FMN2: variants seen among roughly 807,000 people sequenced by gnomAD.
FMN2 encodes formin 2.
In FMN2, 51 loss-of-function variants were observed where a neutral mutation model predicts 142.3. That is an observed-to-expected ratio of 0.36 (90% CI 0.29 to 0.45). The LOEUF (loss-of-function observed/expected upper bound fraction) is 0.45, where lower values mean the gene tolerates loss of function less well. FMN2 is among the 20% of genes least tolerant of loss of function. FMN2 has a pLI of 1.00. For synonymous variants in FMN2, 882 were observed against 869.8 expected (o/e 1.01, Z -0.25); for missense variants, 1,936 against 2,122.8 (o/e 0.91, Z 1.73).
intron 2 of FMN2, 29 bp from the exon 3 acceptor site, chr1:240,177,892 A>G (rs1316582998): frequency 2.0e-6 from 3 of 1,525,136 alleles, no homozygotes; most frequent in Non-Finnish European, 2.6e-6. Flanking sequence ...AATTAATAGC[A>G]TTTCAACATT....
intron 16 of FMN2, among the ~76,000 whole-genome samples, chr1:240,446,809 T>C (rs1041903337): frequency 6.6e-6 from 1 of 152,138 alleles, no homozygotes; most frequent in African/African-American, 2.4e-5. Context: ...CATGGCTCAG[T>C]CCCACCATGA....
chr1:240,165,189 A>C (rs2103299390), intron 2 of FMN2, among the ~76,000 whole-genome samples: 1 of 152,268 alleles, frequency 6.6e-6, no homozygotes, highest in African/African-American at 2.4e-5. Context: ...TCTGTTTAAA[A>C]ATTTAAATCA....
intron 15 of FMN2, among the ~76,000 whole-genome samples, chr1:240,437,142 C>T (rs1206595073): frequency 6.6e-6 from 1 of 152,140 alleles, no homozygotes; most frequent in Admixed American, 6.5e-5. Flanking sequence ...CTTCTGAGCT[C>T]CATATAGCTG....
chr1:240,093,229 G>A lies in FMN2; in HGVS notation c.1120G>A (p.Ala374Thr). The A allele has an allele frequency of 3.3e-6, 5 of 1,536,496 alleles. No individual in the cohort carries two copies. The highest frequency in any genetic ancestry group is 4.4e-6 in the Non-Finnish European group (5 of 1,143,404). Residue 374 changes from alanine (A) to threonine (T), a missense_variant, in exon 1 of 18, where the codon GCC becomes ACC. This residue lies in a region of FMN2 where 751 missense variants were observed against 791.8 expected (regional missense o/e 0.95). Coordinates refer to ENST00000319653, the MANE Select transcript of FMN2 (RefSeq NM_020066.5). ...GTGGGCCCCGGAGGTGGGAGAGGAC[G>A]CCCCGCAGAGGCTGGGGGAAGAGCC... ...EEWAPEVGED[A>T]PQRLGEEPEE...
At chr1:240,262,706 G>A (rs1668670515) in intron 7 of FMN2, among the ~76,000 whole-genome samples, 2 of 151,850 alleles carry the variant, frequency 1.3e-5, no homozygotes, top group Admixed American at 1.3e-4. Context: ...AGAGTAGAAG[G>A]GGATGTCATT....
At chr1:240,290,161 C>T (rs535733610) in intron 7 of FMN2, among the ~76,000 whole-genome samples, 265 of 152,124 alleles carry the variant, frequency 1.7e-3, no homozygotes, top group Middle Eastern at 0.01. Context: ...ATGCAGTCAT[C>T]GATCAAAATC....
At chr1:240,448,303 C>A (rs1675894794) in intron 16 of FMN2, among the ~76,000 whole-genome samples, 1 of 152,110 alleles carries the variant, frequency 6.6e-6, no homozygotes, top group Non-Finnish European at 1.5e-5. Context: ...CCTGTGTAAA[C>A]CCACTTCACG....
intron 8 of FMN2, among the ~76,000 whole-genome samples, chr1:240,310,570 A>G (rs938555223): frequency 2.6e-5 from 4 of 152,204 alleles, no homozygotes; most frequent in African/African-American, 9.6e-5. Context: ...CAACCTAGTG[A>G]GTTTTTAAAA....
chr1:240,305,658 C>T (rs1180626008), intron 8 of FMN2, among the ~76,000 whole-genome samples: 2 of 152,126 alleles, frequency 1.3e-5, no homozygotes, highest in Non-Finnish European at 2.9e-5. Context: ...ATAGTGCAGT[C>T]TAAATAAATC....
chr1:240,194,310 C>T (rs767292557), intron 4 of FMN2, among the ~76,000 whole-genome samples: 2 of 152,096 alleles, frequency 1.3e-5, no homozygotes, highest in African/African-American at 4.8e-5. Context: ...GGGCACAAAT[C>T]CCAGTTATTC....
intron 16 of FMN2, among the ~76,000 whole-genome samples, chr1:240,467,521 C>T (rs1299566615): frequency 1.3e-5 from 2 of 152,130 alleles, no homozygotes; most frequent in Non-Finnish European, 2.9e-5. Context: ...CCTCCTCAGC[C>T]TCCCAAAGTG....
chr1:240,144,139 C>T lies in FMN2; in HGVS notation c.1782+20794C>T, dbSNP rs879192049. ...ACATCCCACAGCAGCAGCATCCCAA[C>T]AGATGCAGCTGCACTCAACATTCCG... On this transcript the variant is annotated intron_variant, in intron 2 of 17. Transcript: ENST00000319653. The T allele has an allele frequency of 3.1e-6, 4 of 1,272,826 alleles. No individual in the cohort carries two copies. The South Asian group carries it at 4.8e-5, about 15-fold the overall frequency. 78.8% of individuals were successfully genotyped at this position (1,272,826 alleles called of 1,614,324 possible). A position where few individuals can be genotyped will look rare whatever the true frequency, so the allele number is the denominator to read the frequency against.
intron 14 of FMN2, among the ~76,000 whole-genome samples, chr1:240,378,074 G>T (rs1673103982): frequency 6.6e-6 from 1 of 151,526 alleles, no homozygotes; most frequent in East Asian, 1.9e-4. Flanking sequence ...TAGTTTATAG[G>T]ATTTTTATTA....
intron 9 of FMN2, 37 bp from the exon 10 acceptor site, chr1:240,329,302 T>C: frequency 1.2e-6 from 2 of 1,606,348 alleles, no homozygotes; most frequent in South Asian, 1.1e-5. Context: ...TTTATGTGAA[T>C]TATATTTTTC....
chr1:240,437,311 T>TTTTTTG (rs1675416277), intron 15 of FMN2, among the ~76,000 whole-genome samples: 1 of 138,160 alleles, frequency 7.2e-6, no homozygotes, highest in African/African-American at 3.2e-5. Context: ...TTTTTTTTTT[T>TTTTTTG]GAGACGGAGT....
intron 6 of FMN2, among the ~76,000 whole-genome samples, chr1:240,222,384 T>G (rs1667152053): frequency 6.6e-6 from 1 of 152,316 alleles, no homozygotes; most frequent in East Asian, 1.9e-4. Context: ...GCTGTTTTGG[T>G]TACTGTAGCC....
At chr1:240,242,136 C>T (rs933931196) in intron 6 of FMN2, among the ~76,000 whole-genome samples, 4 of 152,246 alleles carry the variant, frequency 2.6e-5, no homozygotes, top group African/African-American at 7.2e-5. Context: ...TGAGCCACCG[C>T]GCCCGGCTAG....
At position 240,472,392 on chromosome 1, in the gene FMN2, T is replaced by C. The variant is rs1558126158; in HGVS notation, c.5081T>C (p.Val1694Ala). The C allele has an allele frequency of 1.2e-6, 2 of 1,612,310 alleles. No homozygotes were observed. The highest frequency in any genetic ancestry group is 2.2e-5 in the South Asian group (2 of 90,550). Reference protein sequence around the residue: ...LQERVKEAEEVCRQKKGKSLY... With the variant: ...LQERVKEAEEACRQKKGKSLY... ...ATCAGAGTAAAAGAAGCCGAAGAGG[T>C]GTGTAGACAGAAGAAAGGAAAATCA... Residue 1694 changes from valine to alanine, a missense_variant, in exon 17 of 18, where the codon GTG becomes GCG. Physicochemically the swap from Val to Ala is moderately conservative, Grantham distance 64. Coordinates refer to ENST00000319653, the MANE Select transcript of FMN2 (RefSeq NM_020066.5).
chr1:240,092,562 G>C lies in FMN2; in HGVS notation c.453G>C (p.Glu151Asp). The change falls in exon 1 of 18, where the codon GAG (glutamate) becomes GAC (aspartate). Residue 151 changes from glutamate (E) to aspartate (D), a missense_variant. By Grantham distance (45) the Glu-to-Asp change is conservative. Coordinates refer to ENST00000319653, the MANE Select transcript of FMN2 (RefSeq NM_020066.5). ...VTGPGGPGPAEARVGGRPIAE... is the reference protein window; with the variant it reads ...VTGPGGPGPADARVGGRPIAE... ...GTCCAGGGGGTCCTGGGCCTGCCGA[G>C]GCTAGGGTCGGGGGCCGGCCGATCG... 1 of 1,613,392 alleles carries C rather than the reference G, an allele frequency of 6.2e-7. No homozygotes were observed. The highest frequency in any genetic ancestry group is 8.5e-7 in the Non-Finnish European group (1 of 1,179,836).
Sources: gnomAD v4.1 joint callset for allele counts (sites outside exome capture counted in the v4.1 genomes callset) on GRCh38, gnomAD v4.1.1 for gene constraint, gnomAD v4.1.1 regional missense constraint, MANE v1.5 for transcripts, NCBI Gene and HGNC (gene_info 2026-07-23, HGNC 2026-07-21) for gene names.